Variants in NRXN1 observed in about 807,000 individuals in gnomAD.
NRXN1 encodes the protein neurexin-1.
In NRXN1, 39 loss-of-function variants were observed where a neutral mutation model predicts 150.9. The observed-to-expected ratio is 0.26, with a 90% CI of 0.20 to 0.34. The LOEUF (loss-of-function observed/expected upper bound fraction) is 0.34. NRXN1 is among the 10% of genes least tolerant of loss of function. The pLI is 1.00. For missense variants in NRXN1, 1,815 were observed against 1,949.9 expected (o/e 0.93, Z 1.30); for synonymous variants, 924 against 757.0 (o/e 1.22, Z -3.62).
chr2:50,149,787 G>A (rs907939670), intron 18 of NRXN1, among the ~76,000 whole-genome samples: 1 of 151,198 alleles, frequency 6.6e-6, no homozygotes, highest in African/African-American at 2.4e-5. Flanking sequence ...TTCATCTTTG[G>A]TGACTAGTTT....
chr2:50,255,664 G>C (rs2067628096), intron 17 of NRXN1, among the ~76,000 whole-genome samples: 1 of 151,966 alleles, frequency 6.6e-6, no homozygotes, highest in South Asian at 2.1e-4. Flanking sequence ...AGGTGAAGCA[G>C]GCTTCCAACT....
chr2:50,450,943 C>T (rs760892810), intron 17 of NRXN1, among the ~76,000 whole-genome samples: 6 of 152,130 alleles, frequency 3.9e-5, no homozygotes, highest in Non-Finnish European at 1.5e-5. Flanking sequence ...GACTAGAAAC[C>T]TGCTAACTAG....
intron 2 of NRXN1, among the ~76,000 whole-genome samples, chr2:50,988,300 C>T (rs1280448136): frequency 2.0e-5 from 3 of 151,912 alleles, no homozygotes; most frequent in African/African-American, 7.2e-5. Context: ...TAGTAAAGTA[C>T]TCACCTTGAA....
At chr2:50,667,403 C>T (rs1333052907) in intron 5 of NRXN1, among the ~76,000 whole-genome samples, 2 of 151,902 alleles carry the variant, frequency 1.3e-5, no homozygotes, top group African/African-American at 2.4e-5. Flanking sequence ...ATATTGGTTA[C>T]ACATGTTCAC....
intron 2 of NRXN1, among the ~76,000 whole-genome samples, chr2:50,973,999 T>TA (rs11308522): frequency 3.3e-5 from 5 of 151,344 alleles, no homozygotes; most frequent in East Asian, 2.0e-4. Context: ...ACATCTGATG[T>TA]AAAAAAAAAT....
chr2:50,484,546 A>T (rs2090725069), intron 15 of NRXN1, among the ~76,000 whole-genome samples: 1 of 152,200 alleles, frequency 6.6e-6, no homozygotes, highest in South Asian at 2.1e-4. Context: ...AGTTTGCACC[A>T]GCCGATGACT....
At chr2:49,960,851 A>T (rs1573064401) in intron 21 of NRXN1, among the ~76,000 whole-genome samples, 1 of 152,334 alleles carries the variant, frequency 6.6e-6, no homozygotes, top group East Asian at 1.9e-4. Flanking sequence ...TCATTGACAG[A>T]GGAGGCAATG....
intron 22 of NRXN1, among the ~76,000 whole-genome samples, chr2:49,925,998 A>T (rs941638063): frequency 6.6e-6 from 1 of 152,222 alleles, no homozygotes; most frequent in African/African-American, 2.4e-5. Flanking sequence ...CCAGGGGCAT[A>T]AGGAACTCGG....
chr2:50,100,193 T>A (rs372875926), intron 18 of NRXN1, among the ~76,000 whole-genome samples: 2 of 152,172 alleles, frequency 1.3e-5, no homozygotes, highest in Non-Finnish European at 2.9e-5. Flanking sequence ...GTATCAGTAA[T>A]CTGTGAAGCC....
At chr2:50,278,941 C>T (rs542631962) in intron 17 of NRXN1, among the ~76,000 whole-genome samples, 2 of 152,244 alleles carry the variant, frequency 1.3e-5, no homozygotes, top group South Asian at 2.1e-4. Flanking sequence ...ATATTAATTC[C>T]TAAAATAAAA....
chr2:50,228,181 C>G (rs972669462), intron 18 of NRXN1, among the ~76,000 whole-genome samples: 1 of 151,916 alleles, frequency 6.6e-6, no homozygotes, highest in Non-Finnish European at 1.5e-5. Flanking sequence ...TAATTTATAT[C>G]ATTTATATAT....
chr2:50,530,529 C>T (rs2093070880), intron 11 of NRXN1, among the ~76,000 whole-genome samples: 1 of 152,116 alleles, frequency 6.6e-6, no homozygotes, highest in African/African-American at 2.4e-5. Flanking sequence ...CCCCATAATT[C>T]ATCTAGATTG....
chr2:50,584,808 A>G (rs1381806635), intron 8 of NRXN1, among the ~76,000 whole-genome samples: 6 of 152,188 alleles, frequency 3.9e-5, no homozygotes, highest in Non-Finnish European at 8.8e-5. Flanking sequence ...TGGAAATATG[A>G]GAGTTCACAG....
chr2:51,031,492 G>C (rs1489821503), intron 1 of NRXN1, among the ~76,000 whole-genome samples: 1 of 151,638 alleles, frequency 6.6e-6, no homozygotes, highest in Non-Finnish European at 1.5e-5. Flanking sequence ...AGAAATTTTA[G>C]AAGTGCTTAT....
intron 17 of NRXN1, among the ~76,000 whole-genome samples, chr2:50,358,959 C>A (rs2079005450): frequency 6.6e-6 from 1 of 152,130 alleles, no homozygotes; most frequent in Admixed American, 6.5e-5. Context: ...AGCGGACCCC[C>A]CAGCAAACTC....
intron 18 of NRXN1, among the ~76,000 whole-genome samples, chr2:50,138,768 G>A (rs148161939): frequency 6.6e-6 from 1 of 152,280 alleles, no homozygotes; most frequent in Non-Finnish European, 1.5e-5. Context: ...TTATGTTATT[G>A]TTCCATTCCT....
At chr2:50,730,241 T>TGA (rs1697923427) in intron 5 of NRXN1, among the ~76,000 whole-genome samples, 1 of 152,210 alleles carries the variant, frequency 6.6e-6, no homozygotes, top group Non-Finnish European at 1.5e-5. Context: ...GTAACATTTG[T>TGA]GAAAGATTCT....
rs562446159 is a variant in NRXN1, at chr2:50,488,841, G to A, written c.3070+7064C>T. On this transcript the variant is annotated intron_variant, in intron 15 of 22. Coordinates refer to ENST00000401669, the MANE Select transcript of NRXN1 (RefSeq NM_001330078.2). ...CAGATGGCTGACAAAGACAGCTCTT[G>A]AACAAGAAGCTCGAATTCTAAGAAG... Among the ~76,000 whole-genome samples, 9 of 152,318 alleles carry A rather than the reference G, an allele frequency of 5.9e-5. No homozygotes were observed. In the South Asian group the frequency reaches 1.9e-3, roughly 32 times the overall value.
intron 17 of NRXN1, among the ~76,000 whole-genome samples, chr2:50,345,087 G>T (rs1475005851): frequency 6.6e-6 from 1 of 152,172 alleles, no homozygotes; most frequent in African/African-American, 2.4e-5. Context: ...CTTTCAGAGA[G>T]ATCTAATCTC....
Sources: allele counts gnomAD v4.1 joint callset (sites outside exome capture counted in the v4.1 genomes callset), GRCh38; gene constraint gnomAD v4.1.1; transcripts MANE v1.5; gene names NCBI Gene and HGNC (gene_info 2026-07-23, HGNC 2026-07-21).